The following LPA variants were observed in gnomAD, a reference collection of about 807,000 sequenced individuals.
The protein encoded by LPA is apolipoprotein(a).
A neutral mutation model predicts 197.9 loss-of-function variants in LPA; 199 were observed. That is an observed-to-expected ratio of 1.01 (90% CI 0.90 to 1.13). The LOEUF (loss-of-function observed/expected upper bound fraction) is 1.13. Among genes scored for constraint, LPA ranks in the 50% most tolerant of loss-of-function variants. LPA has a pLI of 0.00. For missense variants in LPA, 1,853 were observed against 1,785.8 expected (o/e 1.04, Z -0.68); for synonymous variants, 715 against 639.5 (o/e 1.12, Z -1.78).
intron 26 of LPA, among the ~76,000 whole-genome samples, chr6:160,584,078 A>T (rs1430413464): frequency 6.6e-6 from 1 of 152,130 alleles, no homozygotes; most frequent in Non-Finnish European, 1.5e-5. Context: ...ACTCTGCCTG[A>T]CAACCCATAT....
Position 160,594,054 on chromosome 6 carries a change from C to T in LPA, c.3533G>A (p.Gly1178Asp). ...CYHGDGQSYR[G>D]SFSTTVTGRT... Reference sequence around the variant, plus strand: ...TCCTGTGACAGTGGTAGAGAATGAGCCTCGATAACTCTGTCCATCACCATG... The same window carrying T: ...TCCTGTGACAGTGGTAGAGAATGAGTCTCGATAACTCTGTCCATCACCATG... Residue 1178 changes from glycine (G) to aspartate (D), a missense_variant, in exon 22 of 39, where the codon GGC becomes GAC. Coordinates refer to ENST00000316300, the MANE Select transcript of LPA (RefSeq NM_005577.4). 1.2e-6 allele frequency: 2 copies of T among 1,613,968 alleles called. No homozygotes were observed. The highest frequency in any genetic ancestry group is 2.2e-5 in the East Asian group (1 of 44,862).
chr6:160,537,888 C>T lies in LPA; in HGVS notation c.5809G>A (p.Glu1937Lys), dbSNP rs1562313939. Residue 1937 changes from glutamate to lysine, a missense_variant, in exon 37 of 39, where the codon GAA becomes AAA. By Grantham distance (56) the Glu-to-Lys change is moderately conservative. This residue lies in a region of LPA where 1,737 missense variants were observed against 1,504.4 expected (regional missense o/e 1.15). Coordinates refer to ENST00000316300, the MANE Select transcript of LPA (RefSeq NM_005577.4). ...TCTCCCCAGCCAGTGATGTAACATTCAGTCCTGGCGGTGACCATGTAGTCT... is the reference window on the plus strand; with the variant it reads ...TCTCCCCAGCCAGTGATGTAACATTTAGTCCTGGCGGTGACCATGTAGTCT... ...SPDYMVTART[E>K]CYITGWGETQ... The T allele has an allele frequency of 6.2e-7, 1 of 1,614,230 alleles. No homozygotes were observed. The highest frequency in any genetic ancestry group is 8.5e-7 in the Non-Finnish European group (1 of 1,180,038).
chr6:160,581,396 C>A (rs560231019), intron 26 of LPA, among the ~76,000 whole-genome samples: 2 of 152,206 alleles, frequency 1.3e-5, no homozygotes, highest in Admixed American at 1.3e-4. Context: ...ACCTCATGGG[C>A]TCCAGTGATC....
chr6:160,634,973 G>A, intron 7 of LPA, 150 bp downstream of exon 7: 4 of 1,496,498 alleles, frequency 2.7e-6, no homozygotes, highest in Non-Finnish European at 3.7e-6. Context: ...GGCTCCCCCA[G>A]AGAGTACACG....
chr6:160,600,824 C>T (rs891705222), intron 19 of LPA, 93 bp downstream of exon 19: 4 of 1,376,948 alleles, frequency 2.9e-6, no homozygotes, highest in Non-Finnish European at 4.1e-6. Flanking sequence ...ACACGAGAAC[C>T]AGTGTAGCAC....
At chr6:160,589,407 G>T in intron 24 of LPA, 146 bp downstream of exon 24, 2 of 928,078 alleles carry the variant, frequency 2.2e-6, no homozygotes, top group Non-Finnish European at 3.4e-6. Flanking sequence ...CAGACCCTGT[G>T]CCCAAAGCAA....
At chr6:160,652,107 CAGAG>C (rs746273920) in intron 1 of LPA, among the ~76,000 whole-genome samples, 12 of 136,726 alleles carry the variant, frequency 8.8e-5, no homozygotes, top group Non-Finnish European at 1.4e-4. Flanking sequence ...AAGAAGAATA[CAGAG>C]AGAGAGAAGT....
rs577576212 is a variant in LPA, at chr6:160,579,952, T to G, written c.4290-1248A>C. Among the ~76,000 whole-genome samples, 14 of 152,330 alleles carry G rather than the reference T, an allele frequency of 9.2e-5. 1 individual carries two copies. The South Asian group carries it at 1.2e-3, about 14-fold the overall frequency. On this transcript the variant is annotated intron_variant, in intron 26 of 38. Coordinates refer to ENST00000316300, the MANE Select transcript of LPA (RefSeq NM_005577.4). ...AGCTGGATGAGATTTGATAAATACA[T>G]ATACTTGTGTAGCCCACACTGCCCT...
At chr6:160,662,919 T>G (rs1370016726) in intron 1 of LPA, among the ~76,000 whole-genome samples, 2 of 152,166 alleles carry the variant, frequency 1.3e-5, no homozygotes, top group African/African-American at 4.8e-5. Context: ...TCACAGGTGA[T>G]TTATAAACCA....
rs1307777819 is a variant in LPA at position 160,605,103 on chromosome 6, G to A, written c.2888C>T (p.Ala963Val). Residue 963 changes from alanine to valine, a missense_variant, in exon 18 of 39, where the codon GCT (alanine) becomes GTT (valine). This residue lies in a region of LPA where 1,737 missense variants were observed against 1,504.4 expected (regional missense o/e 1.15). Transcript: ENST00000316300. ...CGAGTGTGGTGTCATAGATGACCAA[G>A]CTTGGCAGGTTCTTCCTGTGACAGT... is the stretch of plus-strand genomic sequence containing the variant. Reference protein sequence around the residue: ...FITVTGRTCQAWSSMTPHSHS... With the variant: ...FITVTGRTCQVWSSMTPHSHS... 1.2e-6 allele frequency: 2 copies of A among 1,613,958 alleles called. No individual in the cohort carries two copies. Among genetic ancestry groups the A allele is most frequent in the East Asian group, 2.2e-5 (1 of 44,874 alleles).
Position 160,611,544 on chromosome 6 carries a change from T to G in LPA, c.2603+18A>C. 1 of 1,607,030 alleles carries G rather than the reference T, an allele frequency of 6.2e-7. No homozygotes were observed. The highest frequency in any genetic ancestry group is 8.5e-7 in the Non-Finnish European group (1 of 1,179,046). ...CAGTTGGCCCTTTATTCTCTTATGG[T>G]AAAGAACAAAGACATACGCATTTGG... On this transcript the variant is annotated intron_variant, in intron 16 of 38. Transcript: ENST00000316300.
At chr6:160,597,319 G>A (rs576634701) in intron 20 of LPA, among the ~76,000 whole-genome samples, 1 of 152,186 alleles carries the variant, frequency 6.6e-6, no homozygotes. Context: ...TCTCTCTTCA[G>A]TTGTGTCAGT....
At chr6:160,571,355 C>T (rs986527509) in intron 28 of LPA, among the ~76,000 whole-genome samples, 1 of 151,996 alleles carries the variant, frequency 6.6e-6, no homozygotes, top group Non-Finnish European at 1.5e-5. Context: ...CTTCTGAAAC[C>T]AGGACCCACT....
At chr6:160,538,852 C>T (rs1033853734) in intron 36 of LPA, among the ~76,000 whole-genome samples, 5 of 152,128 alleles carry the variant, frequency 3.3e-5, no homozygotes, top group African/African-American at 1.2e-4. Context: ...GAGAATGCCT[C>T]CAAAACCCCA....
rs1778879143 is a variant in LPA, at chr6:160,584,985, G to A, written c.4289+61C>T. On this transcript the variant is annotated intron_variant, in intron 26 of 38. Transcript: ENST00000316300. ...CCTAGGAAGTGAGCTTGTAGCATGG[G>A]CCAGCTAAGAGAAATTTTAGTTGAC... 7 of 1,557,286 alleles carry A rather than the reference G, an allele frequency of 4.5e-6. No homozygotes were observed. The East Asian group carries it at 9.0e-5, about 20-fold the overall frequency.
intron 4 of LPA, among the ~76,000 whole-genome samples, 168 bp from the exon 5 acceptor site, chr6:160,641,016 C>T (rs564008253): frequency 1.5e-5 from 2 of 137,024 alleles, no homozygotes; most frequent in African/African-American, 5.9e-5. Context: ...ATCACTAATC[C>T]TCTCTGCACA....
At position 160,532,204 on chromosome 6, in the gene LPA, G is replaced by A. The variant is rs557998280; in HGVS notation, c.5962-314C>T. ...TTGTTAAGTGTGTGTAATTTGTCTC[G>A]GTCCTGTACCCTCTACCTTCCTCTC... On this transcript the variant is annotated intron_variant, in intron 38 of 38. Transcript: ENST00000316300. 3.3e-5 allele frequency among the ~76,000 whole-genome samples: 5 copies of A among 152,082 alleles called. No homozygotes were observed. In the South Asian group the frequency reaches 6.3e-4, roughly 19 times the overall value.
At chr6:160,546,124 C>A (rs57732497) in intron 32 of LPA, among the ~76,000 whole-genome samples, 8 of 152,286 alleles carry the variant, frequency 5.3e-5, no homozygotes, top group African/African-American at 1.9e-4. Context: ...TGGTGGGTTC[C>A]TGGATAGCCC....
intron 22 of LPA, among the ~76,000 whole-genome samples, chr6:160,591,998 G>A (rs77348928): frequency 0.099 from 15,056 of 152,150 alleles, 954 homozygotes; most frequent in Non-Finnish European, 0.15. Flanking sequence ...GTAAATCAGA[G>A]TTTTGCTCTT....
Sources: allele counts gnomAD v4.1 joint callset (sites outside exome capture counted in the v4.1 genomes callset), GRCh38; gene constraint gnomAD v4.1.1; regional missense constraint gnomAD v4.1.1; transcripts MANE v1.5; gene names NCBI Gene and HGNC (gene_info 2026-07-23, HGNC 2026-07-21).